Variants in RSPO1 observed in about 807,000 individuals in gnomAD.
RSPO1 encodes R-spondin 1.
A neutral mutation model predicts 26.0 loss-of-function variants in RSPO1; 18 were observed. The observed-to-expected ratio is 0.69, with a 90% CI of 0.48 to 1.03. The LOEUF is 1.03. Among genes scored for constraint, RSPO1 ranks in the 50% least tolerant of loss-of-function variants. The pLI, the probability that RSPO1 is intolerant of heterozygous loss-of-function variation, is 0.00. For synonymous variants in RSPO1, 133 were observed against 137.4 expected, an observed-to-expected ratio of 0.97 and a Z score of 0.22; for missense variants, 309 against 352.3, an observed-to-expected ratio of 0.88 and a Z score of 0.98.
Position 37,613,642 on chromosome 1 carries a change from G to A in RSPO1, c.625+62C>T. 7.7e-6 allele frequency: 11 copies of A among 1,423,846 alleles called. No homozygotes were observed. Among genetic ancestry groups the A allele is most frequent in the Non-Finnish European group, 1.1e-5 (11 of 1,018,054 alleles). The allele number at this position is 1,423,846 out of a possible 1,614,324, so 88.2% of individuals were successfully genotyped here. ...GAGCCGTGGGCAGGAAGCAGAGGTG[G>A]CAGGACCTGTCATGGCTGGTGCCTG... On this transcript the variant is annotated intron_variant, in intron 6 of 6. Coordinates refer to ENST00000356545, the MANE Select transcript of RSPO1 (RefSeq NM_001242908.2). This position sits in a 1 kb window ranked among gnomAD's most constrained non-coding sequence, Gnocchi z 4.5.
chr1:37,627,498 A>G (rs2148181089), intron 3 of RSPO1, among the ~76,000 whole-genome samples: 1 of 152,170 alleles, frequency 6.6e-6, no homozygotes, highest in East Asian at 1.9e-4. Context: ...AAAAATACAA[A>G]AATTAGCCAG....
In RSPO1 at chr1:37,617,661, C is replaced by CAAAAAAAAAAAAAAAAAAA. The variant is rs34856591; in HGVS notation, c.95-1005_95-987dup. On this transcript the variant is annotated intron_variant, in intron 3 of 6. Coordinates refer to ENST00000356545, the MANE Select transcript of RSPO1 (RefSeq NM_001242908.2). ...CGGATGACAGAGCAAGACTCCATCT[C>CAAAAAAAAAAAAAAAAAAA]AAAAAAAAAAAAAAAAAAAAAAAAA... Among the ~76,000 whole-genome samples, 5 of 36,376 alleles carry CAAAAAAAAAAAAAAAAAAA rather than the reference C, an allele frequency of 1.4e-4. 1 individual carries two copies. Among genetic ancestry groups the CAAAAAAAAAAAAAAAAAAA allele is most frequent in the African/African-American group, 5.8e-4 (5 of 8,614 alleles). 23.9% of individuals were successfully genotyped at this position (36,376 alleles called of 152,430 possible).
At position 37,612,661 on chromosome 1, in the gene RSPO1, T is replaced by C; in HGVS notation, c.*94A>G. ...ATGGATGGATTGGAGTGTGTGTGTATGCTTTGCCCCCGACGTTCCAGTTCA... is the reference window on the plus strand; with the variant it reads ...ATGGATGGATTGGAGTGTGTGTGTACGCTTTGCCCCCGACGTTCCAGTTCA... On this transcript the variant is annotated 3_prime_UTR_variant, in exon 7 of 7. Transcript: ENST00000356545. 7.4e-7 allele frequency: 1 copy of C among 1,343,452 alleles called. No individual in the cohort carries two copies. The highest frequency in any genetic ancestry group is 1.7e-5 in the Admixed American group (1 of 59,404). 83.2% of individuals were successfully genotyped at this position (1,343,452 alleles called of 1,614,324 possible). A position where few individuals can be genotyped will look rare whatever the true frequency, so the allele number is the denominator to read the frequency against.
intron 4 of RSPO1, among the ~76,000 whole-genome samples, chr1:37,614,606 TC>T (rs1448471002): frequency 2.0e-5 from 3 of 152,104 alleles, no homozygotes; most frequent in African/African-American, 7.2e-5. Context: ...CCAGTCTCAG[TC>T]CCTGCAGCCC....
At chr1:37,624,795 C>T (rs1322072260) in intron 3 of RSPO1, among the ~76,000 whole-genome samples, 1 of 152,182 alleles carries the variant, frequency 6.6e-6, no homozygotes, top group Non-Finnish European at 1.5e-5. Context: ...TCAATAGCTC[C>T]CTATCACCTA....
intron 4 of RSPO1, among the ~76,000 whole-genome samples, chr1:37,615,752 T>C (rs569643159): frequency 1.3e-5 from 2 of 152,322 alleles, no homozygotes; most frequent in Admixed American, 6.5e-5. Context: ...GGAGATATGG[T>C]AGCGTGTGCC....
chr1:37,613,554 T>C lies in RSPO1; in HGVS notation c.625+150A>G, dbSNP rs897552970. 1.9e-5 allele frequency: 13 copies of C among 697,118 alleles called. No individual in the cohort carries two copies. The highest frequency in any genetic ancestry group is 1.4e-4 in the African/African-American group (8 of 57,302). The allele number at this position is 697,118 out of a possible 1,614,324, so 43.2% of individuals were successfully genotyped here. On this transcript the variant is annotated intron_variant, in intron 6 of 6. Coordinates refer to ENST00000356545, the MANE Select transcript of RSPO1 (RefSeq NM_001242908.2). This position sits in a 1 kb window ranked among gnomAD's most constrained non-coding sequence, Gnocchi z 4.5. ...TCTCTGCCAGGACATGGCATCTGGA[T>C]TGGACAGCATGAGGTCTTGAGTTGC...
chr1:37,630,684 C>T (rs964034837), intron 2 of RSPO1, among the ~76,000 whole-genome samples: 3 of 152,250 alleles, frequency 2.0e-5, no homozygotes, highest in Non-Finnish European at 4.4e-5. Context: ...CGGTCCCTCC[C>T]CTGATCAGAT....
In RSPO1 at chr1:37,612,560, A is replaced by G. The variant is rs1196861867; in HGVS notation, c.*195T>C. The G allele has an allele frequency of 4.6e-6, 3 of 657,152 alleles. No individual in the cohort carries two copies. The highest frequency in any genetic ancestry group is 3.6e-5 in the African/African-American group (2 of 56,150). 40.7% of individuals were successfully genotyped at this position (657,152 alleles called of 1,614,324 possible). ...GTGTCTGTGTCTGCGTGTGTACATG[A>G]ACACACATGTGCAAGTATGTATGGT... On this transcript the variant is annotated 3_prime_UTR_variant, in exon 7 of 7. Transcript: ENST00000356545.
chr1:37,630,917 C>T (rs911811540), intron 2 of RSPO1, among the ~76,000 whole-genome samples: 1 of 152,230 alleles, frequency 6.6e-6, no homozygotes, highest in African/African-American at 2.4e-5. Context: ...ATCACCTTCC[C>T]CTCCAGTGGC....
chr1:37,633,147 A>G (rs543079567), intron 1 of RSPO1, among the ~76,000 whole-genome samples: 5 of 152,366 alleles, frequency 3.3e-5, no homozygotes, highest in Admixed American at 1.3e-4. Context: ...AGGTAGAATT[A>G]TTTCCATTTT....
chr1:37,623,949 T>C (rs992964206), intron 3 of RSPO1, among the ~76,000 whole-genome samples: 2 of 151,068 alleles, frequency 1.3e-5, no homozygotes, highest in Non-Finnish European at 2.9e-5. Context: ...TTTAGTAGAG[T>C]TGGGGTTTCA....
rs1044931821 is a variant in RSPO1, at chr1:37,612,673, G to C, written c.*82C>G. ...GAGTGTGTGTGTATGCTTTGCCCCCGACGTTCCAGTTCAGGAAAGCTTGAA... is the reference window on the plus strand; with the variant it reads ...GAGTGTGTGTGTATGCTTTGCCCCCCACGTTCCAGTTCAGGAAAGCTTGAA... On this transcript the variant is annotated 3_prime_UTR_variant, in exon 7 of 7. Coordinates refer to ENST00000356545, the MANE Select transcript of RSPO1 (RefSeq NM_001242908.2). 13 of 1,471,204 alleles carry C rather than the reference G, an allele frequency of 8.8e-6. No individual in the cohort carries two copies. The highest frequency in any genetic ancestry group is 1.2e-5 in the Non-Finnish European group (13 of 1,063,726). 91.1% of individuals were successfully genotyped at this position (1,471,204 alleles called of 1,614,324 possible).
rs116567134 is a variant in RSPO1, at chr1:37,622,987, G to A, written c.95-6312C>T. Among the ~76,000 whole-genome samples the A allele has an allele frequency of 3.8e-3, 577 of 152,186 alleles. 2 individuals carry two copies. The highest frequency in any genetic ancestry group is 0.013 in the African/African-American group (544 of 41,524). ...AGACTCAGAGGCAGGGGACATTGATGGAGTAGAGACCCGAGGACACGAGGA... is the reference window on the plus strand; with the variant it reads ...AGACTCAGAGGCAGGGGACATTGATAGAGTAGAGACCCGAGGACACGAGGA... On this transcript the variant is annotated intron_variant, in intron 3 of 6. Transcript: ENST00000356545.
Position 37,629,598 on chromosome 1 carries a change from G to T in RSPO1, c.64C>A (p.Arg22=), listed in dbSNP as rs192333670. ...LSWTHLTISS[R]GIKGKRQRRI... is the part of the protein sequence containing the mutation. ...CTCTGCCTTTTCCCCTTGATCCCCC[G>T]GCTGCTGATGGTGAGGTGCGTCCAG... Residue 22 remains arginine (R), a synonymous_variant, in exon 3 of 7, where the codon CGG becomes AGG. Coordinates refer to ENST00000356545, the MANE Select transcript of RSPO1 (RefSeq NM_001242908.2). 1.2e-6 allele frequency: 2 copies of T among 1,614,028 alleles called. No individual in the cohort carries two copies. Among genetic ancestry groups the T allele is most frequent in the Non-Finnish European group, 1.7e-6 (2 of 1,180,012 alleles).
At chr1:37,628,331 C>T (rs991842461) in intron 3 of RSPO1, among the ~76,000 whole-genome samples, 3 of 152,182 alleles carry the variant, frequency 2.0e-5, no homozygotes, top group Non-Finnish European at 2.9e-5. Flanking sequence ...TAAACCTAAC[C>T]GTCTCTAATT....
chr1:37,620,906 C>T (rs12023270), intron 3 of RSPO1, among the ~76,000 whole-genome samples: 31,877 of 152,056 alleles, frequency 0.21, 3,839 homozygotes, highest in Middle Eastern at 0.29. Context: ...TGAATGCGCC[C>T]TCTAGGTTTC....
chr1:37,614,289 A>G lies in RSPO1; in HGVS notation c.331T>C (p.Cys111Arg). 1 of 1,613,918 alleles carries G rather than the reference A, an allele frequency of 6.2e-7. No individual in the cohort carries two copies. Among genetic ancestry groups the G allele is most frequent in the Non-Finnish European group, 8.5e-7 (1 of 1,180,038 alleles). Reference sequence around the variant, plus strand: ...TACAAGCCCTCCTTACACTTGGTGCAGAAGTTATGGCTGAAGCAGGCCTCA... The same window carrying G: ...TACAAGCCCTCCTTACACTTGGTGCGGAAGTTATGGCTGAAGCAGGCCTCA... ...HCEACFSHNF[C>R]TKCKEGLYLH... Residue 111 changes from cysteine to arginine, a missense_variant, in exon 5 of 7, where the codon TGC (cysteine) becomes CGC (arginine). Physicochemically the swap from Cys to Arg is radical, Grantham distance 180. Transcript: ENST00000356545.
At chr1:37,624,502 A>T (rs1644249299) in intron 3 of RSPO1, among the ~76,000 whole-genome samples, 2 of 135,594 alleles carry the variant, frequency 1.5e-5, no homozygotes, top group Middle Eastern at 3.5e-3. Flanking sequence ...GCTCCCAAGC[A>T]CCCTGCTCTC....
Sources: gnomAD v4.1 joint callset for allele counts (sites outside exome capture counted in the v4.1 genomes callset) on GRCh38, gnomAD v4.1.1 for gene constraint, Gnocchi (gnomAD v3.1) non-coding constraint, MANE v1.5 for transcripts, NCBI Gene and HGNC (gene_info 2026-07-23, HGNC 2026-07-21) for gene names.